Variants in APOL1 observed in about 807,000 individuals in gnomAD.
APOL1 encodes the protein apolipoprotein L1.
In APOL1, 17 loss-of-function variants were observed where a neutral mutation model predicts 14.9. The observed-to-expected ratio is 1.14, with a 90% CI of 0.78 to 1.71. The LOEUF (loss-of-function observed/expected upper bound fraction) is 1.71. Ranked by LOEUF, APOL1 falls within the 40% of genes most tolerant of loss-of-function variation. The pLI is 0.00. For synonymous variants in APOL1, 195 were observed against 184.8 expected, an observed-to-expected ratio of 1.05 and a Z score of -0.45; for missense variants, 523 against 485.9, an observed-to-expected ratio of 1.08 and a Z score of -0.72.
In APOL1 at chr22:36,265,839, C is replaced by A; in HGVS notation, c.1003C>A (p.Leu335Ile). 1 of 1,614,192 alleles carries A rather than the reference C, an allele frequency of 6.2e-7. No homozygotes were observed. The highest frequency in any genetic ancestry group is 2.2e-5 in the East Asian group (1 of 44,880). The change falls in exon 6 of 6, where the codon CTC becomes ATC. Residue 335 changes from leucine (L) to isoleucine (I), a missense_variant. Coordinates refer to ENST00000397278, the MANE Select transcript of APOL1 (RefSeq NM_003661.4). The part of the protein sequence containing the change: ...SILEMSRGVK[L>I]TDVAPVSFFL... ...CCTGGAAATGAGCAGAGGAGTCAAG[C>A]TCACGGATGTGGCCCCTGTAAGCTT...
In APOL1 at chr22:36,261,587, T is replaced by C. The variant is rs1182246860; in HGVS notation, c.188-9T>C. ...TCCTCCAACCTTATCCTTTCTTCTT[T>C]CCAACTAGAGAGCAGTATCTTTATT... On this transcript the variant is annotated splice_polypyrimidine_tract_variant and intron_variant, in intron 4 of 5. Coordinates refer to ENST00000397278, the MANE Select transcript of APOL1 (RefSeq NM_003661.4). The C allele has an allele frequency of 6.2e-7, 1 of 1,612,158 alleles. No homozygotes were observed. The highest frequency in any genetic ancestry group is 2.2e-5 in the East Asian group (1 of 44,862).
At chr22:36,256,877 G>A (rs752804285) in intron 2 of APOL1, among the ~76,000 whole-genome samples, 2 of 152,096 alleles carry the variant, frequency 1.3e-5, no homozygotes, top group African/African-American at 4.8e-5. Context: ...TGTGATCATC[G>A]AATGAGACAC....
In APOL1 at chr22:36,266,761, C is replaced by G. The variant is rs1478898900; in HGVS notation, c.*728C>G. ...TCTACTAAAAATACAAAAAATTAGC[C>G]GGGCATGGTGGCGGGCGCCTGTAGT... On this transcript the variant is annotated 3_prime_UTR_variant, in exon 6 of 6. Transcript: ENST00000397278. 9.0e-6 allele frequency: 3 copies of G among 332,116 alleles called. No individual in the cohort carries two copies. The highest frequency in any genetic ancestry group is 1.6e-5 in the Non-Finnish European group (3 of 182,888). 20.6% of individuals were successfully genotyped at this position (332,116 alleles called of 1,614,324 possible). A position where few individuals can be genotyped will look rare whatever the true frequency, so the allele number is the denominator to read the frequency against.
At position 36,266,061 on chromosome 22, in the gene APOL1, G is replaced by T. The variant is rs1569534192; in HGVS notation, c.*28G>T. The T allele has an allele frequency of 3.2e-6, 5 of 1,554,292 alleles. No individual in the cohort carries two copies. Among genetic ancestry groups the T allele is most frequent in the Non-Finnish European group, 4.3e-6 (5 of 1,153,712 alleles). The stretch of plus-strand genomic sequence containing the variant: ...ACAGGGCAGGGCAGCCACCAGGAGA[G>T]ATATGCCTGGCAGGGGCCAGGACAA... On this transcript the variant is annotated 3_prime_UTR_variant, in exon 6 of 6. Transcript: ENST00000397278.
chr22:36,254,022 ATC>A (rs779082418), intron 1 of APOL1: 52 of 1,612,522 alleles, frequency 3.2e-5, no homozygotes, highest in Non-Finnish European at 4.1e-5. Flanking sequence ...GAGAGCTTAG[ATC>A]TCTGTGTTCA....
At chr22:36,259,670 C>T (rs1055136264) in intron 4 of APOL1, 1 of 1,296,812 alleles carries the variant, frequency 7.7e-7, no homozygotes, top group African/African-American at 1.5e-5. Context: ...TAATAACAGG[C>T]CCAGCTGGGT....
chr22:36,259,582 G>T, intron 4 of APOL1: 2 of 1,220,324 alleles, frequency 1.6e-6, no homozygotes, highest in Non-Finnish European at 2.1e-6. Context: ...GCACTCAGCC[G>T]ACCCCGGAAT....
intron 1 of APOL1, 71 bp downstream of exon 1, chr22:36,253,290 G>A (rs1181054807): frequency 9.4e-6 from 3 of 320,122 alleles, no homozygotes; most frequent in Non-Finnish European, 1.9e-5. Flanking sequence ...GGAGAGGTTA[G>A]GTGACTGGTT....
chr22:36,257,166 G>A, intron 3 of APOL1, 30 bp downstream of exon 3: 1 of 1,613,984 alleles, frequency 6.2e-7, no homozygotes, highest in South Asian at 1.1e-5. Flanking sequence ...AGATGATGGG[G>A]GCTCAGTGAT....
At chr22:36,254,384 A>T (rs1004465543) in intron 1 of APOL1, among the ~76,000 whole-genome samples, 1 of 152,106 alleles carries the variant, frequency 6.6e-6, no homozygotes, top group South Asian at 2.1e-4. Flanking sequence ...GAAACACAGG[A>T]GATGCTGTCT....
At position 36,257,142 on chromosome 22, in the gene APOL1, T is replaced by C. The variant is rs746393532; in HGVS notation, c.98+6T>C. ...GCAGAGGAAGCTGGAGCGAGGTGAG[T>C]GTCTGCAAATAGCAGATGATGGGGG... On this transcript the variant is annotated splice_donor_region_variant and intron_variant, in intron 3 of 5. Coordinates refer to ENST00000397278, the MANE Select transcript of APOL1 (RefSeq NM_003661.4). 16 of 1,613,938 alleles carry C rather than the reference T, an allele frequency of 9.9e-6. No individual in the cohort carries two copies. The South Asian group carries it at 1.8e-4, about 18-fold the overall frequency.
rs183351145 is a variant in APOL1 at position 36,266,352 on chromosome 22, G to C, written c.*319G>C. 109 of 407,894 alleles carry C rather than the reference G, an allele frequency of 2.7e-4. 1 individual carries two copies. The East Asian group carries it at 3.4e-3, about 13-fold the overall frequency. 25.3% of individuals were successfully genotyped at this position (407,894 alleles called of 1,614,324 possible). On this transcript the variant is annotated 3_prime_UTR_variant, in exon 6 of 6. Transcript: ENST00000397278. ...GATCTGCCCACCTTGGCCTCCCAAA[G>C]TGCTGGGATTACAGGCGTGAGCCAT...
At chr22:36,260,171 G>C (rs1320016199) in intron 4 of APOL1, among the ~76,000 whole-genome samples, 1 of 152,210 alleles carries the variant, frequency 6.6e-6, no homozygotes, top group Non-Finnish European at 1.5e-5. Context: ...GAGGCGGGCA[G>C]ATCACAAGGT....
At chr22:36,259,952 C>T (rs1178386315) in intron 4 of APOL1, 5 of 1,231,240 alleles carry the variant, frequency 4.1e-6, no homozygotes, top group South Asian at 1.4e-5. Flanking sequence ...AGACCACAGG[C>T]ATTTTCAAAA....
chr22:36,253,152 G>A lies in APOL1; in HGVS notation c.-87G>A, dbSNP rs747241425. The A allele has an allele frequency of 2.0e-6, 1 of 497,142 alleles. No homozygotes were observed. Among genetic ancestry groups the A allele is most frequent in the Non-Finnish European group, 4.0e-6 (1 of 249,356 alleles). The allele number at this position is 497,142 out of a possible 1,614,324, so 30.8% of individuals were successfully genotyped here. A position where few individuals can be genotyped will look rare whatever the true frequency, so the allele number is the denominator to read the frequency against. ...CTGGTTATTATACAGACGCATAACT[G>A]GAGGTGGGATCCACACAGCTCAGAA... On this transcript the variant is annotated 5_prime_UTR_variant, in exon 1 of 6. Transcript: ENST00000397278.
At chr22:36,262,276 A>T (rs2016100530) in intron 5 of APOL1, among the ~76,000 whole-genome samples, 1 of 152,172 alleles carries the variant, frequency 6.6e-6, no homozygotes, top group Non-Finnish European at 1.5e-5. Flanking sequence ...TAAACACGGC[A>T]GGACCCTTCT....
rs2146313789 is a variant in APOL1, at chr22:36,266,229, T to C, written c.*196T>C. 1.8e-6 allele frequency: 1 copy of C among 554,794 alleles called. No individual in the cohort carries two copies. Among genetic ancestry groups the C allele is most frequent in the Non-Finnish European group, 3.1e-6 (1 of 322,290 alleles). 34.4% of individuals were successfully genotyped at this position (554,794 alleles called of 1,614,324 possible). The stretch of plus-strand genomic sequence containing the variant: ...CCTTGGCCTCCCAAGTAGCTGGGAC[T>C]ACAGGCGCCTACCACCATGCCCAGC... On this transcript the variant is annotated 3_prime_UTR_variant, in exon 6 of 6. Coordinates refer to ENST00000397278, the MANE Select transcript of APOL1 (RefSeq NM_003661.4).
chr22:36,261,846 C>G (rs921399165), intron 5 of APOL1, 124 bp downstream of exon 5: 2 of 1,193,774 alleles, frequency 1.7e-6, no homozygotes, highest in African/African-American at 3.1e-5. Flanking sequence ...TTGAGGATGA[C>G]CTTCTTGGCA....
rs200567406 is a variant in APOL1, at chr22:36,254,935, A to C, written c.-19-2A>C. The C allele has an allele frequency of 7.6e-5, 123 of 1,613,724 alleles. No homozygotes were observed. Among genetic ancestry groups the C allele is most frequent in the Non-Finnish European group, 9.6e-5 (113 of 1,179,820 alleles). On this transcript the variant is annotated splice_acceptor_variant, in intron 1 of 5. Coordinates refer to ENST00000397278, the MANE Select transcript of APOL1 (RefSeq NM_003661.4). LOFTEE classifies it low-confidence loss of function (5UTR_SPLICE). ...GTCTCAACCCCTCTTTTCCTGCTCA[A>C]GGAGGAGGCCCTGCAGCGACATGGA...
Sources: gnomAD v4.1 joint callset for allele counts (sites outside exome capture counted in the v4.1 genomes callset) on GRCh38, gnomAD v4.1.1 for gene constraint, MANE v1.5 for transcripts, NCBI Gene and HGNC (gene_info 2026-07-23, HGNC 2026-07-21) for gene names.